GUK1: variants seen among roughly 807,000 people sequenced by gnomAD.
The protein encoded by GUK1 is guanylate kinase 1, also known as guanylate kinase.
A neutral mutation model predicts 25.2 loss-of-function variants in GUK1; 18 were observed. That is an observed-to-expected ratio of 0.71 (90% CI 0.49 to 1.06). The LOEUF (loss-of-function observed/expected upper bound fraction) is 1.06. Ranked by LOEUF, GUK1 falls within the 50% of genes least tolerant of loss-of-function variation. The pLI, the probability that GUK1 is intolerant of heterozygous loss-of-function variation, is 0.00. For synonymous variants in GUK1, 105 were observed against 117.6 expected (o/e 0.89, Z 0.69); for missense variants, 261 against 276.7 (o/e 0.94, Z 0.40).
chr1:228,148,306 T>C, intron 7 of GUK1, 65 bp from the exon 7 acceptor site: 1 of 1,116,998 alleles, frequency 9.0e-7, no homozygotes, highest in Non-Finnish European at 1.4e-6. Flanking sequence ...GCTCTGGGGG[T>C]CGTGTGGGAC....
intron 3 of GUK1, 133 bp downstream of exon 2, chr1:228,145,757 C>G (rs912246654): frequency 7.6e-6 from 8 of 1,046,608 alleles, no homozygotes; most frequent in African/African-American, 3.2e-5. Flanking sequence ...CTTGCACACT[C>G]CCCCCCACAC....
At position 228,148,760 on chromosome 1, in the gene GUK1, C is replaced by A; in HGVS notation, c.*63C>A. The A allele has an allele frequency of 2.5e-6, 4 of 1,611,228 alleles. No homozygotes were observed. The highest frequency in any genetic ancestry group is 3.4e-6 in the Non-Finnish European group (4 of 1,179,470). On this transcript the variant is annotated 3_prime_UTR_variant, in exon 9 of 9. Transcript: ENST00000312726. ...GGACCAGGGCAGCAGCATTGAGCCACCCCCTTGGCAGGCGATACGGCAGCT... is the reference window on the plus strand; with the variant it reads ...GGACCAGGGCAGCAGCATTGAGCCAACCCCTTGGCAGGCGATACGGCAGCT...
chr1:228,142,028 C>A (rs2034086336), intron 2 of GUK1, among the ~76,000 whole-genome samples: 1 of 152,274 alleles, frequency 6.6e-6, no homozygotes, highest in African/African-American at 2.4e-5. Flanking sequence ...AGCCTTGAGG[C>A]CTGGGCCACA....
At chr1:228,147,025 A>G in intron 5 of GUK1, 87 bp downstream of exon 4, 1 of 877,932 alleles carries the variant, frequency 1.1e-6, no homozygotes. Context: ...CCCGCCATCC[A>G]CACCACCCAC....
chr1:228,147,544 G>A lies in GUK1; in HGVS notation c.390G>A (p.Leu130=). 3 of 1,613,330 alleles carry A rather than the reference G, an allele frequency of 1.9e-6. No individual in the cohort carries two copies. Among genetic ancestry groups the A allele is most frequent in the Non-Finnish European group, 2.5e-6 (3 of 1,179,928 alleles). The change falls in exon 6 of 9, where the codon CTG becomes CTA. Residue 130 remains leucine, a splice_region_variant and synonymous_variant. Transcript: ENST00000312726. ...TGCAGCCGCCTTCACTGCACGTGCTGGTGTGTGCTGGGCAGGGTTGGGGGC... is the reference window on the plus strand; with the variant it reads ...TGCAGCCGCCTTCACTGCACGTGCTAGTGTGTGCTGGGCAGGGTTGGGGGC...
chr1:228,140,507 A>G (rs1224267161), intron 1 of GUK1, 144 bp downstream of exon 1: 10 of 656,834 alleles, frequency 1.5e-5, no homozygotes, highest in Non-Finnish European at 2.4e-5. Context: ...GGGCCCTGAG[A>G]ACGGGGGAGC....
chr1:228,141,256 T>C lies in GUK1; in HGVS notation c.-35T>C. 1 of 985,090 alleles carries C rather than the reference T, an allele frequency of 1.0e-6. No homozygotes were observed. The allele number at this position is 985,090 out of a possible 1,614,324, so 61.0% of individuals were successfully genotyped here. A position where few individuals can be genotyped will look rare whatever the true frequency, so the allele number is the denominator to read the frequency against. On this transcript the variant is annotated 5_prime_UTR_variant, in exon 2 of 9. Coordinates refer to ENST00000312726, the MANE Select transcript of GUK1 (RefSeq NM_000858.7). ...TGAAGGGCTGGGGCCTTCACTCCTC[T>C]GTGGCTCTGGAAGAGCCCGATTTCC...
chr1:228,145,123 G>A (rs570138447), intron 2 of GUK1: 1 of 160,058 alleles, frequency 6.2e-6, no homozygotes, highest in African/African-American at 2.4e-5. Context: ...CAGAGGGCTT[G>A]GAGGTGACTC....
Position 228,147,526 on chromosome 1 carries a change from G to T in GUK1, c.372G>T (p.Pro124=). The T allele has an allele frequency of 6.2e-7, 1 of 1,613,340 alleles. No homozygotes were observed. Among genetic ancestry groups the T allele is most frequent in the East Asian group, 2.2e-5 (1 of 44,878 alleles). ...GGCCCATCTACATCTCTGTGCAGCC[G>T]CCTTCACTGCACGTGCTGGTGTGTG... The change falls in exon 6 of 9, where the codon CCG becomes CCT. Residue 124 remains proline (P), a synonymous_variant. Transcript: ENST00000312726.
Position 228,147,497 on chromosome 1 carries a change from C to G in GUK1, c.343C>G (p.Leu115Val). The G allele has an allele frequency of 5.6e-6, 9 of 1,613,316 alleles. No homozygotes were observed. The highest frequency in any genetic ancestry group is 7.6e-6 in the Non-Finnish European group (9 of 1,179,974). ...TGTGCGGAACATCAAGGCCACCGAT[C>G]TGCGGCCCATCTACATCTCTGTGCA... Residue 115 changes from leucine (L) to valine (V), a missense_variant, in exon 6 of 9, where the codon CTG becomes GTG. Transcript: ENST00000312726.
upstream of GUK1, chr1:228,140,176 G>A (rs1440581620): frequency 6.3e-6 from 5 of 795,516 alleles, no homozygotes; most frequent in Non-Finnish European, 7.9e-6. Flanking sequence ...ACTTCCCTAA[G>A]GGGCGGGGAA....
At position 228,147,929 on chromosome 1, in the gene GUK1, C is replaced by T. The variant is rs535781576; in HGVS notation, c.475+230C>T. Among the ~76,000 whole-genome samples the T allele has an allele frequency of 2.6e-5, 4 of 152,244 alleles. No individual in the cohort carries two copies. In the East Asian group the frequency reaches 7.8e-4, roughly 30 times the overall value. On this transcript the variant is annotated intron_variant, in intron 7 of 8. Coordinates refer to ENST00000312726, the MANE Select transcript of GUK1 (RefSeq NM_000858.7). ...AGGGTCCTCAGATTTCCCTCTGTTA[C>T]CCAGAGTCTCCGTGAGGGCCCCCAG...
chr1:228,147,342 C>T (rs1483147335), intron 5 of GUK1, 64 bp from the exon 5 acceptor site: 67 of 1,513,522 alleles, frequency 4.4e-5, no homozygotes, highest in Non-Finnish European at 5.8e-5. Context: ...GCCTGGGTGT[C>T]CCTGAAGCTC....
At chr1:228,142,385 G>A (rs1413127858) in intron 2 of GUK1, among the ~76,000 whole-genome samples, 2 of 152,186 alleles carry the variant, frequency 1.3e-5, no homozygotes, top group African/African-American at 4.8e-5. Context: ...CGCAGACAAC[G>A]CCCTTGGCGA....
chr1:228,148,261 C>T (rs1024571625), intron 7 of GUK1, 110 bp from the exon 7 acceptor site: 16 of 827,460 alleles, frequency 1.9e-5, no homozygotes, highest in Non-Finnish European at 3.1e-5. Context: ...AGCTGTCCCA[C>T]AGCCGCAGTG....
chr1:228,140,757 C>T (rs2034001110), intron 1 of GUK1, among the ~76,000 whole-genome samples: 1 of 152,256 alleles, frequency 6.6e-6, no homozygotes, highest in African/African-American at 2.4e-5. Flanking sequence ...GCCTTGGGGT[C>T]CTGGGCGGAT....
At position 228,148,884 on chromosome 1, in the gene GUK1, G is replaced by T; in HGVS notation, c.*187G>T. On this transcript the variant is annotated 3_prime_UTR_variant, in exon 9 of 9. Coordinates refer to ENST00000312726, the MANE Select transcript of GUK1 (RefSeq NM_000858.7). ...ACCCAGCCTCGCTGGGCTGTCCCCT[G>T]TCCCTATCTCTCACTCTGGACCCAG... The T allele has an allele frequency of 6.9e-7, 1 of 1,457,010 alleles. No homozygotes were observed. Among genetic ancestry groups the T allele is most frequent in the Non-Finnish European group, 9.3e-7 (1 of 1,071,262 alleles). 90.3% of individuals were successfully genotyped at this position (1,457,010 alleles called of 1,614,324 possible). A position where few individuals can be genotyped will look rare whatever the true frequency, so the allele number is the denominator to read the frequency against.
Position 228,148,853 on chromosome 1 carries a change from C to T in GUK1, c.*156C>T. The T allele has an allele frequency of 3.9e-6, 6 of 1,530,344 alleles. No homozygotes were observed. The highest frequency in any genetic ancestry group is 2.7e-6 in the Non-Finnish European group (3 of 1,129,844). The allele number at this position is 1,530,344 out of a possible 1,614,324, so 94.8% of individuals were successfully genotyped here. A position where few individuals can be genotyped will look rare whatever the true frequency, so the allele number is the denominator to read the frequency against. Reference sequence around the variant, plus strand: ...CTGTGGTTGGAACATCCTGGGGTGACCCCCGACCCAGCCTCGCTGGGCTGT... The same window carrying T: ...CTGTGGTTGGAACATCCTGGGGTGATCCCCGACCCAGCCTCGCTGGGCTGT... On this transcript the variant is annotated 3_prime_UTR_variant, in exon 9 of 9. Coordinates refer to ENST00000312726, the MANE Select transcript of GUK1 (RefSeq NM_000858.7).
chr1:228,140,884 G>C (rs2034006518), intron 1 of GUK1, among the ~76,000 whole-genome samples: 1 of 152,280 alleles, frequency 6.6e-6, no homozygotes, highest in Non-Finnish European at 1.5e-5. Context: ...TTGGGGTTCG[G>C]ATTCTCCAAA....
Sources: gnomAD v4.1 joint callset for allele counts (sites outside exome capture counted in the v4.1 genomes callset) on GRCh38, gnomAD v4.1.1 for gene constraint, MANE v1.5 for transcripts, NCBI Gene and HGNC (gene_info 2026-07-23, HGNC 2026-07-21) for gene names.